MTOR: variants seen among roughly 807,000 people sequenced by gnomAD.
MTOR encodes the protein serine/threonine-protein kinase mTOR.
Under a neutral mutation model 319.8 loss-of-function variants are expected in MTOR, and 70 were observed. The ratio of observed to expected loss-of-function variants is 0.22; its 90% CI spans 0.18 to 0.27. The LOEUF (loss-of-function observed/expected upper bound fraction) is 0.27. Among genes scored for constraint, MTOR ranks in the 10% least tolerant of loss-of-function variants. The pLI is 1.00. For missense variants in MTOR, 1,890 were observed against 3,274.4 expected (o/e 0.58, Z 10.32); for synonymous variants, 1,183 against 1,211.4 (o/e 0.98, Z 0.49).
chr1:11,153,925 C>T (rs983187421), intron 30 of MTOR, among the ~76,000 whole-genome samples: 3 of 151,256 alleles, frequency 2.0e-5, no homozygotes, highest in East Asian at 1.9e-4. Flanking sequence ...AAAAATCAGC[C>T]GGGAGTGGTG....
intron 26 of MTOR, among the ~76,000 whole-genome samples, chr1:11,202,296 C>T (rs1422433353): frequency 6.8e-6 from 1 of 146,596 alleles, no homozygotes; most frequent in Non-Finnish European, 1.5e-5. Context: ...AGGTGTGCAC[C>T]TGTAGTCCCA....
intron 28 of MTOR, among the ~76,000 whole-genome samples, chr1:11,168,177 G>T (rs1644706609): frequency 1.3e-5 from 2 of 150,580 alleles, no homozygotes; most frequent in African/African-American, 4.9e-5. Context: ...AATTATCCCT[G>T]TTGTAGTACA....
chr1:11,254,166 G>T (rs775045836), intron 5 of MTOR, among the ~76,000 whole-genome samples, 193 bp from the exon 6 acceptor site: 3 of 151,552 alleles, frequency 2.0e-5, no homozygotes, highest in Non-Finnish European at 4.4e-5. Flanking sequence ...TTGAGATGGA[G>T]TCTTGCTCTA....
intron 36 of MTOR, among the ~76,000 whole-genome samples, chr1:11,135,198 T>A (rs1202722818): frequency 2.0e-5 from 3 of 152,036 alleles, no homozygotes; most frequent in Non-Finnish European, 4.4e-5. Context: ...GCCCGCCACA[T>A]CCAGTTGAAC....
intron 28 of MTOR, among the ~76,000 whole-genome samples, chr1:11,189,071 T>TA (rs766654283): frequency 9.2e-5 from 14 of 152,284 alleles, no homozygotes; most frequent in Admixed American, 3.3e-4. Context: ...TGCTTGCTGA[T>TA]AGAGTTGAGC....
intron 1 of MTOR, among the ~76,000 whole-genome samples, chr1:11,260,263 C>A (rs373263382): frequency 1.8e-4 from 28 of 152,192 alleles, no homozygotes; most frequent in African/African-American, 6.5e-4. Flanking sequence ...GAAATTTAGG[C>A]CGGGCACAGT....
chr1:11,128,932 C>T lies in MTOR; in HGVS notation c.5734G>A (p.Asp1912Asn). 1 of 1,613,544 alleles carries T rather than the reference C, an allele frequency of 6.2e-7. No individual in the cohort carries two copies. The highest frequency in any genetic ancestry group is 8.5e-7 in the Non-Finnish European group (1 of 1,179,786). Residue 1912 changes from aspartate (D) to asparagine (N), a missense_variant, in exon 41 of 58, where the codon GAT becomes AAT. Physicochemically the swap from Asp to Asn is conservative, Grantham distance 23. Around this residue, in one of 15 missense-constraint regions of MTOR, gnomAD observed 249 missense variants for 596.2 expected, o/e 0.42. Transcript: ENST00000361445. This position sits in a 1 kb window ranked among gnomAD's most constrained non-coding sequence, Gnocchi z 5.3. Reference protein sequence around the residue: ...DTLRVLTLWFDYGHWPDVNEA... With the variant: ...DTLRVLTLWFNYGHWPDVNEA... ...TTGACATCTGGCCAGTGACCATAAT[C>T]AAACCATAAGGTGAGAACTCTGAAA...
At chr1:11,210,112 C>G (rs917215766) in intron 24 of MTOR, among the ~76,000 whole-genome samples, 1 of 152,202 alleles carries the variant, frequency 6.6e-6, no homozygotes, top group African/African-American at 2.4e-5. Flanking sequence ...AAGTGATCCT[C>G]CCGCCTCAGC....
At chr1:11,231,198 AAGTCT>A in intron 17 of MTOR, 97 bp downstream of exon 17, 1 of 1,583,750 alleles carries the variant, frequency 6.3e-7, no homozygotes, top group Non-Finnish European at 8.6e-7. Context: ...GAGGGACAGG[AAGTCT>A]GACTGACACT....
chr1:11,259,372 G>A lies in MTOR; in HGVS notation c.38C>T (p.Ala13Val), dbSNP rs1271626033. Residue 13 changes from alanine to valine, a missense_variant, in exon 2 of 58, where the codon GCC becomes GTC. Physicochemically the swap from Ala to Val is moderately conservative, Grantham distance 64 (BLOSUM62 0). This residue lies in a region of MTOR where 85 missense variants were observed against 105.8 expected (regional missense o/e 0.80). Coordinates refer to ENST00000361445, the MANE Select transcript of MTOR (RefSeq NM_004958.4). ...GACGCTCACATTGCTAGATGTGGTG[G>A]CAGCGGTGGTGGCGGCGGCAGGTCC... ...GTGPAAATTA[A>V]TTSSNVSVLQ... The A allele has an allele frequency of 1.3e-5, 20 of 1,597,538 alleles. No individual in the cohort carries two copies. Among genetic ancestry groups the A allele is most frequent in the Non-Finnish European group, 1.7e-5 (20 of 1,174,044 alleles).
chr1:11,112,995 A>G, intron 53 of MTOR, 78 bp from the exon 54 acceptor site: 1 of 1,429,782 alleles, frequency 7.0e-7, no homozygotes, highest in Non-Finnish European at 9.8e-7. Flanking sequence ...TCTTCCAGTC[A>G]TAAAAATATA....
chr1:11,128,857 G>A lies in MTOR; in HGVS notation c.5809C>T (p.Gln1937Ter), dbSNP rs1448101573. Residue 1937 changes from glutamine (Q) to a stop codon, truncating the protein, a stop_gained and splice_region_variant, in exon 41 of 58, where the codon CAG becomes TAG. Coordinates refer to ENST00000361445, the MANE Select transcript of MTOR (RefSeq NM_004958.4). LOFTEE classifies it high-confidence loss of function. This position sits in a 1 kb window ranked among gnomAD's most constrained non-coding sequence, Gnocchi z 5.3. ...VKAIQIDTWL[Q>*]VIPQLIARID... Reference sequence around the variant, plus strand: ...CACCTGTAACCAAGTATCCTCACCTGTAGCCAGGTATCAATCTGGATGGCT... The same window carrying A: ...CACCTGTAACCAAGTATCCTCACCTATAGCCAGGTATCAATCTGGATGGCT... 1 of 1,612,920 alleles carries A rather than the reference G, an allele frequency of 6.2e-7. No homozygotes were observed. Among genetic ancestry groups the A allele is most frequent in the Non-Finnish European group, 8.5e-7 (1 of 1,179,192 alleles).
intron 25 of MTOR, among the ~76,000 whole-genome samples, chr1:11,207,693 T>A (rs2335397): frequency 5.3e-5 from 8 of 151,752 alleles, no homozygotes; most frequent in Admixed American, 5.3e-4. Context: ...GATGGTGTTT[T>A]ACTATGTTGC....
At chr1:11,247,064 C>T (rs886937895) in intron 8 of MTOR, among the ~76,000 whole-genome samples, 7 of 152,102 alleles carry the variant, frequency 4.6e-5, no homozygotes, top group Non-Finnish European at 7.3e-5. Context: ...TGGTTAAGGG[C>T]GGAGGTGGGG....
chr1:11,185,177 G>A (rs1046858407), intron 28 of MTOR, among the ~76,000 whole-genome samples: 1 of 151,876 alleles, frequency 6.6e-6, no homozygotes, highest in Non-Finnish European at 1.5e-5. Context: ...CACTGGGCCA[G>A]AATAATCGCT....
At chr1:11,186,082 CAA>C (rs765868801) in intron 28 of MTOR, among the ~76,000 whole-genome samples, 2 of 43,008 alleles carry the variant, frequency 4.7e-5, no homozygotes, top group African/African-American at 8.4e-5. Context: ...GACTCCGTCT[CAA>C]AAAAAAAAAA....
At chr1:11,153,930 G>T (rs1644230792) in intron 30 of MTOR, among the ~76,000 whole-genome samples, 1 of 151,634 alleles carries the variant, frequency 6.6e-6, no homozygotes, top group Admixed American at 6.6e-5. Context: ...TCAGCCGGGA[G>T]TGGTGGTGCA....
At chr1:11,139,496 C>A (rs767602878) in intron 35 of MTOR, 37 bp downstream of exon 35, 2 of 1,614,088 alleles carry the variant, frequency 1.2e-6, no homozygotes, top group Non-Finnish European at 1.7e-6. Context: ...CACCATGGGG[C>A]CCTACCTGCC....
intron 13 of MTOR, 86 bp downstream of exon 13, chr1:11,237,757 T>C (rs1647407274): frequency 1.4e-6 from 2 of 1,446,084 alleles, no homozygotes; most frequent in Admixed American, 1.7e-5. Flanking sequence ...TCCCCCATCC[T>C]TGTCCTCAAC....
Sources: gnomAD v4.1 joint callset for allele counts (sites outside exome capture counted in the v4.1 genomes callset) on GRCh38, gnomAD v4.1.1 for gene constraint, gnomAD v4.1.1 regional missense constraint, Gnocchi (gnomAD v3.1) non-coding constraint, MANE v1.5 for transcripts, NCBI Gene and HGNC (gene_info 2026-07-23, HGNC 2026-07-21) for gene names.